Variants in INPP4B observed in about 807,000 individuals in gnomAD.
INPP4B encodes the protein inositol polyphosphate 4-phosphatase type II.
A neutral mutation model predicts 122.5 loss-of-function variants in INPP4B; 55 were observed. That is an observed-to-expected ratio of 0.45 (90% confidence interval 0.36 to 0.56). The LOEUF (loss-of-function observed/expected upper bound fraction) is 0.56. Ranked by LOEUF, INPP4B falls within the 20% of genes least tolerant of loss-of-function variation. INPP4B has a pLI of 0.00. For synonymous variants in INPP4B, 403 were observed against 388.7 expected, an observed-to-expected ratio of 1.04 and a Z score of -0.43; for missense variants, 1,000 against 1,097.7, an observed-to-expected ratio of 0.91 and a Z score of 1.26.
chr4:142,263,957 A>C (rs1741541308), intron 10 of INPP4B, among the ~76,000 whole-genome samples: 1 of 152,014 alleles, frequency 6.6e-6, no homozygotes, highest in African/African-American at 2.4e-5. Flanking sequence ...ACTGGACTGT[A>C]GTGAGCAAAA....
chr4:142,137,845 C>T (rs1805454184), intron 18 of INPP4B, among the ~76,000 whole-genome samples: 1 of 151,658 alleles, frequency 6.6e-6, no homozygotes, highest in Non-Finnish European at 1.5e-5. Flanking sequence ...GATATCATCT[C>T]ACACCAGTTA....
chr4:142,208,658 T>G (rs1296294399), intron 13 of INPP4B, 129 bp from the exon 14 acceptor site: 10 of 540,086 alleles, frequency 1.9e-5, no homozygotes, highest in Non-Finnish European at 2.4e-5. Context: ...ATTTATGAGT[T>G]GCTTTTCTTT....
At chr4:142,187,796 A>G (rs12500144) in intron 15 of INPP4B, among the ~76,000 whole-genome samples, 28,851 of 152,090 alleles carry the variant, frequency 0.19, 3,053 homozygotes, top group Middle Eastern at 0.31. Flanking sequence ...GGGTTTTGCG[A>G]TGTTGCTCAG....
chr4:142,687,018 A>T (rs557147183), intron 2 of INPP4B, among the ~76,000 whole-genome samples: 1 of 152,156 alleles, frequency 6.6e-6, no homozygotes, highest in African/African-American at 2.4e-5. Flanking sequence ...TAATTTCAGG[A>T]GAAAAAAAAT....
chr4:142,530,022 G>A (rs1169572016), intron 2 of INPP4B, among the ~76,000 whole-genome samples: 1 of 152,044 alleles, frequency 6.6e-6, no homozygotes, highest in Non-Finnish European at 1.5e-5. Context: ...GCAGGGGGCA[G>A]GAACATGCAA....
At chr4:142,064,096 T>G (rs28409209) in intron 25 of INPP4B, among the ~76,000 whole-genome samples, 3,889 of 152,258 alleles carry the variant, frequency 0.026, 185 homozygotes, top group African/African-American at 0.089. Context: ...TATGTACAAT[T>G]TCTGTGTACT....
intron 2 of INPP4B, chr4:142,654,742 A>T (rs900460708): frequency 9.2e-5 from 14 of 152,224 alleles, no homozygotes; most frequent in Admixed American, 5.9e-4. Context: ...TTTAATTTGA[A>T]ACTCAATTAT....
intron 1 of INPP4B, among the ~76,000 whole-genome samples, chr4:142,756,102 C>A (rs765038574): frequency 2.6e-5 from 4 of 151,822 alleles, no homozygotes; most frequent in Admixed American, 6.6e-5. Flanking sequence ...ATAGTGCAGG[C>A]GAATGAATGA....
chr4:142,353,631 T>C (rs556209000), intron 7 of INPP4B, among the ~76,000 whole-genome samples: 1 of 152,080 alleles, frequency 6.6e-6, no homozygotes, highest in Non-Finnish European at 1.5e-5. Context: ...CAACTGCATC[T>C]AGGATTATCT....
At chr4:142,398,956 G>A (rs1012094192) in intron 7 of INPP4B, among the ~76,000 whole-genome samples, 3 of 152,058 alleles carry the variant, frequency 2.0e-5, no homozygotes, top group Non-Finnish European at 2.9e-5. Flanking sequence ...AAAAAGAGGG[G>A]TGTCAATGTA....
intron 2 of INPP4B, among the ~76,000 whole-genome samples, chr4:142,567,340 C>T (rs1731834439): frequency 6.6e-6 from 1 of 152,052 alleles, no homozygotes; most frequent in South Asian, 2.1e-4. Context: ...GCACAGCTGC[C>T]CTGACAGGAA....
chr4:142,623,504 T>C (rs1745457049), intron 2 of INPP4B, among the ~76,000 whole-genome samples: 1 of 151,984 alleles, frequency 6.6e-6, no homozygotes, highest in African/African-American at 2.4e-5. Flanking sequence ...GATGGCTAAA[T>C]TCTAAGACAG....
At chr4:142,237,225 G>C (rs1210883136) in intron 12 of INPP4B, among the ~76,000 whole-genome samples, 2 of 152,112 alleles carry the variant, frequency 1.3e-5, no homozygotes, top group Non-Finnish European at 2.9e-5. Context: ...GTCCAAAGGA[G>C]AGTCAAATAG....
intron 2 of INPP4B, among the ~76,000 whole-genome samples, chr4:142,647,453 CAA>C: frequency 6.6e-6 from 1 of 152,214 alleles, no homozygotes; most frequent in African/African-American, 2.4e-5. Context: ...AGTATGCCAA[CAA>C]AGAGTGAAAA....
chr4:142,161,772 C>T (rs969052357), intron 16 of INPP4B, among the ~76,000 whole-genome samples: 10 of 151,756 alleles, frequency 6.6e-5, no homozygotes, highest in Non-Finnish European at 5.9e-5. Flanking sequence ...TACTCATTTG[C>T]CATAGATCAT....
chr4:142,580,151 T>A (rs116680005), intron 2 of INPP4B, among the ~76,000 whole-genome samples: 1 of 151,336 alleles, frequency 6.6e-6, no homozygotes, highest in East Asian at 2.0e-4. Context: ...CAGGAGAGCA[T>A]TGTGGTTAAG....
At chr4:142,170,229 T>C (rs4956437) in intron 16 of INPP4B, among the ~76,000 whole-genome samples, 15,243 of 151,756 alleles carry the variant, frequency 0.1, 1,128 homozygotes, top group African/African-American at 0.2. Context: ...CACCATAAGA[T>C]TATACTATTC....
intron 5 of INPP4B, among the ~76,000 whole-genome samples, chr4:142,407,604 A>T (rs1190393310): frequency 1.3e-5 from 2 of 152,200 alleles, no homozygotes; most frequent in Admixed American, 6.5e-5. Flanking sequence ...ATCTAAAAAC[A>T]ATACGGTTAC....
intron 2 of INPP4B, among the ~76,000 whole-genome samples, chr4:142,593,598 T>A (rs1407241664): frequency 6.6e-6 from 1 of 152,118 alleles, no homozygotes; most frequent in Non-Finnish European, 1.5e-5. Flanking sequence ...CTGGCAAAAA[T>A]CACCACCCTG....
Sources: allele counts gnomAD v4.1 joint callset (sites outside exome capture counted in the v4.1 genomes callset), GRCh38; gene constraint gnomAD v4.1.1; transcripts MANE v1.5; gene names NCBI Gene and HGNC (gene_info 2026-07-23, HGNC 2026-07-21).